NEK7: variants seen among roughly 807,000 people sequenced by gnomAD.
NEK7 encodes the protein serine/threonine-protein kinase Nek7.
Under a neutral mutation model 44.6 loss-of-function variants are expected in NEK7, and 18 were observed. That is an observed-to-expected ratio of 0.40 (90% CI 0.28 to 0.60). The LOEUF is 0.60. Ranked by LOEUF, NEK7 falls within the 20% of genes least tolerant of loss-of-function variation. The pLI is 0.38. For synonymous variants in NEK7, 130 were observed against 121.1 expected (o/e 1.07, Z -0.48); for missense variants, 256 against 366.5 (o/e 0.70, Z 2.46).
At chr1:198,289,280 A>T (rs1654474609) in intron 7 of NEK7, among the ~76,000 whole-genome samples, 1 of 152,086 alleles carries the variant, frequency 6.6e-6, no homozygotes, top group Admixed American at 6.6e-5. Flanking sequence ...AAGAAACTAT[A>T]TTTCTAAACT....
At chr1:198,240,332 T>C (rs1666648596) in intron 2 of NEK7, among the ~76,000 whole-genome samples, 1 of 152,176 alleles carries the variant, frequency 6.6e-6, no homozygotes, top group Non-Finnish European at 1.5e-5. Context: ...TTGAAAAGAA[T>C]GAGAACACAG....
intron 1 of NEK7, among the ~76,000 whole-genome samples, chr1:198,211,992 C>CTA: frequency 6.6e-6 from 1 of 152,220 alleles, no homozygotes. Flanking sequence ...CTACCCAGTC[C>CTA]TGGAGCTGAT....
chr1:198,244,650 A>G (rs1666778556), intron 2 of NEK7, among the ~76,000 whole-genome samples: 1 of 152,138 alleles, frequency 6.6e-6, no homozygotes, highest in African/African-American at 2.4e-5. Context: ...GTTAATAAGA[A>G]CCCAGAACAG....
chr1:198,319,722 C>A lies in NEK7; in HGVS notation c.*200C>A, dbSNP rs1227738371. 2.2e-5 allele frequency: 10 copies of A among 461,224 alleles called. No individual in the cohort carries two copies. Among genetic ancestry groups the A allele is most frequent in the Non-Finnish European group, 2.6e-5 (7 of 270,654 alleles). The allele number at this position is 461,224 out of a possible 1,614,324, so 28.6% of individuals were successfully genotyped here. A position where few individuals can be genotyped will look rare whatever the true frequency, so the allele number is the denominator to read the frequency against. On this transcript the variant is annotated 3_prime_UTR_variant, in exon 10 of 10. Coordinates refer to ENST00000367385, the MANE Select transcript of NEK7 (RefSeq NM_133494.3). ...CAACCCCCAAATGACTTTGGAATAA[C>A]TGAATTGCATGTTAGGAGAGAAAAT... is the stretch of plus-strand genomic sequence containing the variant.
At position 198,278,072 on chromosome 1, in the gene NEK7, A is replaced by G. The variant is rs1375212591; in HGVS notation, c.481+3A>G. ...TTCTCGAAGAGTCATGCATAGAGGTAAGATAAAATCATTAAGTACTTTTAA... is the reference window on the plus strand; with the variant it reads ...TTCTCGAAGAGTCATGCATAGAGGTGAGATAAAATCATTAAGTACTTTTAA... On this transcript the variant is annotated splice_donor_region_variant and intron_variant, in intron 6 of 9. Transcript: ENST00000367385. 3 of 1,452,436 alleles carry G rather than the reference A, an allele frequency of 2.1e-6. No individual in the cohort carries two copies. Among genetic ancestry groups the G allele is most frequent in the Non-Finnish European group, 2.9e-6 (3 of 1,038,256 alleles). The allele number at this position is 1,452,436 out of a possible 1,614,324, so 90.0% of individuals were successfully genotyped here.
intron 2 of NEK7, among the ~76,000 whole-genome samples, chr1:198,248,716 T>C (rs1321890814): frequency 6.6e-6 from 1 of 152,170 alleles, no homozygotes; most frequent in African/African-American, 2.4e-5. Flanking sequence ...TAAATGATTA[T>C]GTATTTTTGT....
At chr1:198,170,563 G>A (rs1170845833) in intron 1 of NEK7, among the ~76,000 whole-genome samples, 1 of 152,084 alleles carries the variant, frequency 6.6e-6, no homozygotes, top group Non-Finnish European at 1.5e-5. Context: ...TTCCTTAAAG[G>A]TATGACTATC....
chr1:198,284,130 T>TA (rs1245060484), intron 7 of NEK7, among the ~76,000 whole-genome samples: 1 of 152,240 alleles, frequency 6.6e-6, no homozygotes, highest in African/African-American at 2.4e-5. Context: ...TCCTTACACA[T>TA]ACATGTGAGC....
intron 2 of NEK7, among the ~76,000 whole-genome samples, chr1:198,243,616 A>G (rs1036996297): frequency 6.6e-6 from 1 of 152,218 alleles, no homozygotes; most frequent in Non-Finnish European, 1.5e-5. Context: ...TGATAATTAA[A>G]TGCTACATAT....
chr1:198,178,983 A>G (rs1664681944), intron 1 of NEK7, among the ~76,000 whole-genome samples: 1 of 149,578 alleles, frequency 6.7e-6, no homozygotes, highest in Non-Finnish European at 1.5e-5. Flanking sequence ...ATTTGATACC[A>G]TTTGATACCC....
At chr1:198,317,881 T>TTGG (rs757187317) in intron 9 of NEK7, among the ~76,000 whole-genome samples, 2 of 101,566 alleles carry the variant, frequency 2.0e-5, no homozygotes, top group African/African-American at 9.3e-5. Context: ...ATATTTATTT[T>TTGG]TTTTTTTTTT....
chr1:198,272,850 G>A (rs1251069574), intron 5 of NEK7, among the ~76,000 whole-genome samples: 4 of 151,672 alleles, frequency 2.6e-5, no homozygotes, highest in Non-Finnish European at 4.4e-5. Context: ...TGATATTGAT[G>A]TACCAGTTTT....
At chr1:198,222,325 A>C (rs548861608) in intron 1 of NEK7, among the ~76,000 whole-genome samples, 30 of 152,278 alleles carry the variant, frequency 2.0e-4, no homozygotes, top group Admixed American at 4.6e-4. Context: ...ATAAACAACT[A>C]ATTGGTTTGA....
chr1:198,259,189 TA>T (rs1440744131), intron 3 of NEK7, among the ~76,000 whole-genome samples: 8 of 152,300 alleles, frequency 5.3e-5, no homozygotes, highest in African/African-American at 1.9e-4. Context: ...TAACTTGAAT[TA>T]AAGATTTTCT....
At chr1:198,213,084 G>A (rs12071032) in intron 1 of NEK7, among the ~76,000 whole-genome samples, 1 of 152,192 alleles carries the variant, frequency 6.6e-6, no homozygotes, top group African/African-American at 2.4e-5. Flanking sequence ...TGGGAGACTA[G>A]AGGACAGGTC....
chr1:198,315,658 G>C (rs565128007), intron 9 of NEK7, among the ~76,000 whole-genome samples: 7 of 152,174 alleles, frequency 4.6e-5, no homozygotes, highest in Non-Finnish European at 7.3e-5. Context: ...GGTTTAAGGA[G>C]CCTGAGACCA....
At chr1:198,252,562 AT>A (rs59181572) in intron 2 of NEK7, among the ~76,000 whole-genome samples, 3 of 67,638 alleles carry the variant, frequency 4.4e-5, no homozygotes, top group Non-Finnish European at 4.7e-5. Flanking sequence ...ATATATATAT[AT>A]ATATAAAAAG....
intron 3 of NEK7, 136 bp from the exon 4 acceptor site, chr1:198,262,439 T>C: frequency 1.8e-6 from 1 of 547,584 alleles, no homozygotes; most frequent in Non-Finnish European, 3.2e-6. Flanking sequence ...ACAGAACTCC[T>C]TAATAAAGAA....
chr1:198,191,945 A>T (rs1041269138), intron 1 of NEK7, among the ~76,000 whole-genome samples: 1 of 152,078 alleles, frequency 6.6e-6, no homozygotes, highest in Non-Finnish European at 1.5e-5. Flanking sequence ...TTTCCTGCAT[A>T]GTAGTTCCAA....
Sources: allele counts gnomAD v4.1 joint callset (sites outside exome capture counted in the v4.1 genomes callset), GRCh38; gene constraint gnomAD v4.1.1; transcripts MANE v1.5; gene names NCBI Gene and HGNC (gene_info 2026-07-23, HGNC 2026-07-21).